The following CTNNA2 variants were observed in gnomAD, a reference collection of about 807,000 sequenced individuals.
CTNNA2 encodes the protein catenin alpha 2.
CTNNA2 carries 42 observed loss-of-function variants against 101.0 expected under a neutral mutation model. The ratio of observed to expected loss-of-function variants is 0.42; its 90% CI spans 0.32 to 0.54. The LOEUF (loss-of-function observed/expected upper bound fraction) is 0.54. Ranked by LOEUF, CTNNA2 falls within the 20% of genes least tolerant of loss-of-function variation. The probability of loss-of-function intolerance (pLI) is 0.14; values close to 1 mark genes in which losing one functional copy is unlikely to be tolerated. For missense variants in CTNNA2, 871 were observed against 1,223.1 expected, an observed-to-expected ratio of 0.71 and a Z score of 4.29; for synonymous variants, 450 against 456.4, an observed-to-expected ratio of 0.99 and a Z score of 0.18.
chr2:79,644,135 T>C (rs1267998208), intron 1 of CTNNA2, among the ~76,000 whole-genome samples: 1 of 152,124 alleles, frequency 6.6e-6, no homozygotes, highest in Non-Finnish European at 1.5e-5. Flanking sequence ...CCTACCGGGT[T>C]CAAACAATTC....
intron 9 of CTNNA2, among the ~76,000 whole-genome samples, chr2:80,483,704 A>G (rs1476096212): frequency 6.6e-6 from 1 of 152,214 alleles, no homozygotes; most frequent in Non-Finnish European, 1.5e-5. Context: ...CTTATTTTAA[A>G]TGAGTGGTGA....
At chr2:80,452,330 G>A (rs578199288) in intron 9 of CTNNA2, among the ~76,000 whole-genome samples, 67 of 151,702 alleles carry the variant, frequency 4.4e-4, no homozygotes, top group Middle Eastern at 3.4e-3. Context: ...CTATTTGACA[G>A]GCATTGTGCT....
rs556176722 is a variant in CTNNA2, at chr2:79,708,812, T to C, written c.103-35575T>C. On this transcript the variant is annotated intron_variant, in intron 2 of 18. Transcript: ENST00000402739. ...TCATCTTGATCAAAATATATTGACATACAAGGACTATGGCTTTAGATCTGT... is the reference window on the plus strand; with the variant it reads ...TCATCTTGATCAAAATATATTGACACACAAGGACTATGGCTTTAGATCTGT... Among the ~76,000 whole-genome samples the C allele has an allele frequency of 5.9e-5, 9 of 152,320 alleles. No individual in the cohort carries two copies. In the South Asian group the frequency reaches 1.2e-3, roughly 21 times the overall value.
chr2:80,058,797 A>T (rs1324095036), intron 7 of CTNNA2, among the ~76,000 whole-genome samples: 1 of 152,120 alleles, frequency 6.6e-6, no homozygotes, highest in Non-Finnish European at 1.5e-5. Context: ...CCCCCTGCTA[A>T]GCACTACACA....
At chr2:80,148,991 A>G (rs1327832616) in intron 7 of CTNNA2, among the ~76,000 whole-genome samples, 4 of 151,354 alleles carry the variant, frequency 2.6e-5, no homozygotes, top group African/African-American at 9.7e-5. Flanking sequence ...AACAAAACTC[A>G]GAAAAGCTTC....
intron 8 of CTNNA2, among the ~76,000 whole-genome samples, chr2:80,413,226 C>G (rs1398326353): frequency 6.6e-6 from 1 of 152,126 alleles, no homozygotes; most frequent in African/African-American, 2.4e-5. Context: ...ATTGATCCAG[C>G]AGACCTGAAT....
At chr2:79,333,892 T>G (rs918201354) in intron 3 of CTNNA2, among the ~76,000 whole-genome samples, 3 of 152,128 alleles carry the variant, frequency 2.0e-5, no homozygotes, top group African/African-American at 4.8e-5. Context: ...TTTAAAGCAT[T>G]TTTTATATAC....
Position 79,559,681 on chromosome 2 carries a change from C to A in CTNNA2, c.-6+46474C>A, listed in dbSNP as rs576930780. 6.5e-4 allele frequency among the ~76,000 whole-genome samples: 98 copies of A among 151,632 alleles called. No homozygotes were observed. The South Asian group carries it at 0.015, about 24-fold the overall frequency. On this transcript the variant is annotated intron_variant, in intron 1 of 18. Coordinates refer to ENST00000402739, the MANE Select transcript of CTNNA2 (RefSeq NM_001282597.3). ...ATGCACTTTGGATGGACAGAGAGTACGTGGAAGTAGGTTGAACACTAGTAG... is the reference window on the plus strand; with the variant it reads ...ATGCACTTTGGATGGACAGAGAGTAAGTGGAAGTAGGTTGAACACTAGTAG...
chr2:79,973,806 A>G lies in CTNNA2; in HGVS notation c.1056+64009A>G, dbSNP rs73938440. ...TACAAGGATCAGTACCAAGGGCGAA[A>G]CCAGTGTAAGGTTGGACAGGCAGTT... On this transcript the variant is annotated intron_variant, in intron 7 of 18. Transcript: ENST00000402739. Among the ~76,000 whole-genome samples, 970 of 152,306 alleles carry G rather than the reference A, an allele frequency of 6.4e-3. 9 individuals carry two copies. Among genetic ancestry groups the G allele is most frequent in the African/African-American group, 0.02 (840 of 41,562 alleles).
In CTNNA2 at chr2:79,939,258, AAG is replaced by A. The variant is rs539926103; in HGVS notation, c.1056+29462_1056+29463del. ...CTGATTGTGTAGACATGGGTAGCTG[AAG>A]TAGCTTGTAGCATCTGACTCCAAAT... On this transcript the variant is annotated intron_variant, in intron 7 of 18. Coordinates refer to ENST00000402739, the MANE Select transcript of CTNNA2 (RefSeq NM_001282597.3). 4.2e-3 allele frequency among the ~76,000 whole-genome samples: 640 copies of A among 152,272 alleles called. 2 individuals are homozygous for A. The highest frequency in any genetic ancestry group is 0.015 in the African/African-American group (610 of 41,528).
At chr2:79,638,254 A>T (rs767914364) in intron 1 of CTNNA2, among the ~76,000 whole-genome samples, 5 of 152,236 alleles carry the variant, frequency 3.3e-5, no homozygotes, top group African/African-American at 7.2e-5. Context: ...TCCTAAAGCC[A>T]TGTAGATTCA....
At chr2:79,382,803 AG>A (rs1310169773) in intron 4 of CTNNA2, among the ~76,000 whole-genome samples, 1 of 151,980 alleles carries the variant, frequency 6.6e-6, no homozygotes. Flanking sequence ...TTTAATAGAG[AG>A]GGGGTTTCAC....
intron 4 of CTNNA2, among the ~76,000 whole-genome samples, chr2:79,448,254 T>C (rs893284129): frequency 6.6e-6 from 1 of 152,204 alleles, no homozygotes; most frequent in South Asian, 2.1e-4. Context: ...CTGTATTTTT[T>C]AGATCTTGAT....
chr2:79,952,909 GCTATGTTAA>G (rs1688982841), intron 7 of CTNNA2, among the ~76,000 whole-genome samples: 1 of 152,182 alleles, frequency 6.6e-6, no homozygotes, highest in Non-Finnish European at 1.5e-5. Flanking sequence ...TATGCGTGAA[GCTATGTTAA>G]CTTGTATTAT....
At chr2:79,538,626 G>T (rs947302735) in intron 1 of CTNNA2, among the ~76,000 whole-genome samples, 14 of 152,290 alleles carry the variant, frequency 9.2e-5, no homozygotes, top group Middle Eastern at 3.4e-3. Context: ...TATGGGAATG[G>T]AGAGCATGAC....
intron 3 of CTNNA2, among the ~76,000 whole-genome samples, chr2:79,317,050 T>C (rs1050610857): frequency 6.6e-6 from 1 of 152,040 alleles, no homozygotes; most frequent in South Asian, 2.1e-4. Flanking sequence ...ACACCCTTTA[T>C]TATGATGAAA....
chr2:80,260,524 C>T (rs1672527296), intron 7 of CTNNA2, among the ~76,000 whole-genome samples: 1 of 152,160 alleles, frequency 6.6e-6, no homozygotes, highest in African/African-American at 2.4e-5. Flanking sequence ...TTTATTTGCA[C>T]AAATTGAAGG....
intron 4 of CTNNA2, among the ~76,000 whole-genome samples, chr2:79,432,934 C>G (rs1410616758): frequency 6.6e-6 from 1 of 152,182 alleles, no homozygotes; most frequent in Non-Finnish European, 1.5e-5. Context: ...TTGTCTATGG[C>G]AAACAAATGG....
chr2:79,810,990 G>T (rs1206953838), intron 3 of CTNNA2, among the ~76,000 whole-genome samples: 9 of 151,040 alleles, frequency 6.0e-5, no homozygotes, highest in East Asian at 1.9e-4. Flanking sequence ...ATAAACATAC[G>T]TGTGCATGTG....
Sources: gnomAD v4.1 joint callset for allele counts (sites outside exome capture counted in the v4.1 genomes callset) on GRCh38, gnomAD v4.1.1 for gene constraint, MANE v1.5 for transcripts, NCBI Gene and HGNC (gene_info 2026-07-23, HGNC 2026-07-21) for gene names.